Variants in GRHL2 observed in about 807,000 individuals in gnomAD.
GRHL2 encodes the protein grainyhead like transcription factor 2, also known as grainyhead-like protein 2 homolog.
In GRHL2, 21 loss-of-function variants were observed where a neutral mutation model predicts 83.8. The observed-to-expected ratio is 0.25, with a 90% CI of 0.18 to 0.36. The LOEUF is 0.36. GRHL2 is among the 10% of genes least tolerant of loss of function. The probability of loss-of-function intolerance (pLI) is 1.00; values close to 1 mark genes in which losing one functional copy is unlikely to be tolerated. For synonymous variants in GRHL2, 280 were observed against 278.9 expected (o/e 1.00, Z -0.04); for missense variants, 623 against 781.8 (o/e 0.80, Z 2.42).
At chr8:101,521,212 A>G (rs1586415817) in intron 1 of GRHL2, among the ~76,000 whole-genome samples, 1 of 152,318 alleles carries the variant, frequency 6.6e-6, no homozygotes, top group South Asian at 2.1e-4. Flanking sequence ...AAGAAGATGC[A>G]GCAGGGCCAT....
rs1814066084 is a variant in GRHL2 at position 101,666,650 on chromosome 8, C to G, written c.1825C>G (p.Leu609Val). ...EHYSNEDTFI[L>V]NMESMVEGFK... is the part of the protein sequence containing the mutation. ...CTACTCGAACGAGGACACCTTCATCCTCAACATGGAGAGCATGGTGGAGGG... is the reference window on the plus strand; with the variant it reads ...CTACTCGAACGAGGACACCTTCATCGTCAACATGGAGAGCATGGTGGAGGG... Residue 609 changes from leucine (L) to valine (V), a missense_variant, in exon 16 of 16, where the codon CTC becomes GTC. By Grantham distance (32) the Leu-to-Val change is conservative. Transcript: ENST00000646743. 1 of 1,613,706 alleles carries G rather than the reference C, an allele frequency of 6.2e-7. No individual in the cohort carries two copies. Among genetic ancestry groups the G allele is most frequent in the African/African-American group, 1.3e-5 (1 of 74,916 alleles).
chr8:101,628,232 A>G (rs1339569161), intron 9 of GRHL2, among the ~76,000 whole-genome samples: 1 of 152,078 alleles, frequency 6.6e-6, no homozygotes, highest in East Asian at 1.9e-4. Context: ...TTAGGGGCTA[A>G]TGCAGCTGCT....
intron 1 of GRHL2, among the ~76,000 whole-genome samples, chr8:101,524,673 T>C (rs1410037053): frequency 6.6e-6 from 1 of 152,164 alleles, no homozygotes; most frequent in Non-Finnish European, 1.5e-5. Context: ...TTTAACTATG[T>C]TGTGGTCAGA....
rs1586148212 is a variant in GRHL2, at chr8:101,618,059, G to A, written c.1099-1480G>A. Among the ~76,000 whole-genome samples, 7 of 152,294 alleles carry A rather than the reference G, an allele frequency of 4.6e-5. 2 individuals are homozygous for A. Among genetic ancestry groups the A allele is most frequent in the Admixed American group, 4.6e-4 (7 of 15,294 alleles). On this transcript the variant is annotated intron_variant, in intron 8 of 15. Transcript: ENST00000646743. ...AAAAAGAATACATGTGGCATCAAATGAAAATAGTACCAAGAGTATAATATA... is the reference window on the plus strand; with the variant it reads ...AAAAAGAATACATGTGGCATCAAATAAAAATAGTACCAAGAGTATAATATA...
intron 1 of GRHL2, chr8:101,529,529 C>A (rs2130076004): frequency 4.5e-6 from 1 of 222,502 alleles, no homozygotes; most frequent in Non-Finnish European, 9.1e-6. Flanking sequence ...TTTAGTTCAG[C>A]AATCTTCCAC....
intron 1 of GRHL2, among the ~76,000 whole-genome samples, chr8:101,520,154 A>C (rs967319087): frequency 6.6e-6 from 1 of 152,194 alleles, no homozygotes; most frequent in Non-Finnish European, 1.5e-5. Context: ...TTTCTTGTGG[A>C]ACACTTGTAA....
chr8:101,510,540 C>G (rs545237122), intron 1 of GRHL2, among the ~76,000 whole-genome samples: 2 of 151,870 alleles, frequency 1.3e-5, no homozygotes, highest in African/African-American at 4.8e-5. Context: ...GGCCAGTGAG[C>G]GAACAAAAAA....
At chr8:101,558,904 T>C (rs1000493609) in intron 4 of GRHL2, 92 bp downstream of exon 4, 10 of 1,361,928 alleles carry the variant, frequency 7.3e-6, no homozygotes, top group Non-Finnish European at 1.0e-5. Flanking sequence ...ATAAATGAAT[T>C]AAACAGCAAG....
In GRHL2 at chr8:101,513,500, C is replaced by T. The variant is rs866501376; in HGVS notation, c.20+20711C>T. ...TATGTGGGTGCAGGCTATCGTTGTGCTTTTTTTTTTGGAGATGGAGTTTTG... is the reference window on the plus strand; with the variant it reads ...TATGTGGGTGCAGGCTATCGTTGTGTTTTTTTTTTTGGAGATGGAGTTTTG... On this transcript the variant is annotated intron_variant, in intron 1 of 15. Transcript: ENST00000646743. 3.1e-3 allele frequency among the ~76,000 whole-genome samples: 306 copies of T among 100,164 alleles called. 17 individuals carry two copies. The highest frequency in any genetic ancestry group is 0.011 in the African/African-American group (287 of 26,520). The allele number at this position is 100,164 out of a possible 152,430, so 65.7% of individuals were successfully genotyped here.
At chr8:101,678,514 C>T in the GRHL2 span, among the ~76,000 whole-genome samples, 2 of 152,166 alleles carry the variant, frequency 1.3e-5, no homozygotes, top group Non-Finnish European at 2.9e-5. Flanking sequence ...GAGGGGCGCC[C>T]GCCATTGCCC....
chr8:101,600,474 T>C (rs1812487011), intron 8 of GRHL2, among the ~76,000 whole-genome samples: 1 of 152,248 alleles, frequency 6.6e-6, no homozygotes, highest in Admixed American at 6.5e-5. Flanking sequence ...CTTAGGGCTG[T>C]CTGCACCTTT....
intron 1 of GRHL2, chr8:101,529,715 G>A (rs1329561004): frequency 2.0e-5 from 3 of 152,934 alleles, no homozygotes; most frequent in Non-Finnish European, 2.9e-5. Flanking sequence ...CTCATGTAAG[G>A]TTTCCTTAAA....
At chr8:101,624,411 TCACATTACA>T (rs1289445916) in intron 9 of GRHL2, among the ~76,000 whole-genome samples, 73 of 148,500 alleles carry the variant, frequency 4.9e-4, no homozygotes, top group African/African-American at 1.6e-3. Flanking sequence ...GTAAGACAGT[TCACATTACA>T]CAGTAGGACA....
chr8:101,509,145 CCTTCCTTCCTTCCTTT>C lies in GRHL2; in HGVS notation c.20+16360_20+16375del, dbSNP rs1239521878. 5.7e-5 allele frequency among the ~76,000 whole-genome samples: 2 copies of C among 34,892 alleles called. 1 individual carries two copies. Among genetic ancestry groups the C allele is most frequent in the African/African-American group, 1.4e-4 (2 of 14,492 alleles). 22.9% of individuals were successfully genotyped at this position (34,892 alleles called of 152,430 possible). ...TCCTTCCTTCCTTCCTTCCTTCCTT[CCTTCCTTCCTTCCTTT>C]CTTTCTTTCTTTTTCTTTCTTTCTT... is the stretch of plus-strand genomic sequence containing the variant. On this transcript the variant is annotated intron_variant, in intron 1 of 15. Coordinates refer to ENST00000646743, the MANE Select transcript of GRHL2 (RefSeq NM_024915.4).
intron 14 of GRHL2, among the ~76,000 whole-genome samples, chr8:101,663,972 T>C (rs1813985576): frequency 1.3e-5 from 2 of 152,176 alleles, no homozygotes; most frequent in African/African-American, 2.4e-5. Context: ...CCTTTTTCTT[T>C]AGGTTTCATG....
At chr8:101,555,574 GTT>G (rs1376939604) in intron 3 of GRHL2, among the ~76,000 whole-genome samples, 1 of 152,064 alleles carries the variant, frequency 6.6e-6, no homozygotes, top group East Asian at 1.9e-4. Flanking sequence ...GGTGGTCTGG[GTT>G]TTGGCATCCT....
chr8:101,664,568 A>G (rs1336568101), intron 15 of GRHL2, 50 bp downstream of exon 15: 1 of 1,295,040 alleles, frequency 7.7e-7, no homozygotes. Flanking sequence ...ATAAATCCAC[A>G]TGATGCCTTA....
At chr8:101,623,212 C>T (rs930680935) in intron 9 of GRHL2, among the ~76,000 whole-genome samples, 12 of 152,272 alleles carry the variant, frequency 7.9e-5, no homozygotes, top group African/African-American at 1.2e-4. Context: ...AAAGTCTCAA[C>T]GGCCTTTCAG....
chr8:101,529,432 C>CAA (rs11402395), intron 1 of GRHL2: 1,492 of 139,094 alleles, frequency 0.011, 14 homozygotes, highest in African/African-American at 0.024. Context: ...GACTCCCTCT[C>CAA]AAAAAAAAAA....
Sources: allele counts gnomAD v4.1 joint callset (sites outside exome capture counted in the v4.1 genomes callset), GRCh38; gene constraint gnomAD v4.1.1; transcripts MANE v1.5; gene names NCBI Gene and HGNC (gene_info 2026-07-23, HGNC 2026-07-21).